Variants in QTGAL observed in about 807,000 individuals in gnomAD.
QTGAL encodes the protein BGnT-like protein 1.
chr17:83,027,152 G>C, the QTGAL span, among the ~76,000 whole-genome samples: 40 of 134,638 alleles, frequency 3.0e-4, no homozygotes, highest in African/African-American at 8.9e-4. Flanking sequence ...ACACACGGAG[G>C]GGGGCAGGGA....
the QTGAL span, chr17:83,048,742 T>C: frequency 4.2e-5 from 68 of 1,614,026 alleles, no homozygotes; most frequent in Non-Finnish European, 5.7e-5. Context: ...CCTCAAACAT[T>C]CGTCCAGCCA....
chr17:82,991,260 T>C, the QTGAL span, among the ~76,000 whole-genome samples: 2 of 152,182 alleles, frequency 1.3e-5, no homozygotes, highest in Non-Finnish European at 2.9e-5. Flanking sequence ...GCTGTGTCCC[T>C]ACCCAAATCT....
the QTGAL span, among the ~76,000 whole-genome samples, chr17:83,016,590 GA>G: frequency 7.0e-6 from 1 of 142,258 alleles, no homozygotes; most frequent in Non-Finnish European, 1.5e-5. Context: ...GGAGGAGGGA[GA>G]AGGGGAGAGG....
At chr17:82,943,525 C>T in the QTGAL span, 4 of 152,044 alleles carry the variant, frequency 2.6e-5, no homozygotes, top group Non-Finnish European at 5.9e-5. Context: ...GCTCCCTGGC[C>T]TGCTCTCAGG....
the QTGAL span, among the ~76,000 whole-genome samples, chr17:82,977,100 C>T: frequency 1.1e-4 from 16 of 152,356 alleles, no homozygotes; most frequent in African/African-American, 2.9e-4. Flanking sequence ...AGAAACTTAA[C>T]GTAAGCCAAA....
the QTGAL span, among the ~76,000 whole-genome samples, chr17:83,029,434 G>A: frequency 3.9e-5 from 6 of 152,106 alleles, no homozygotes; most frequent in South Asian, 2.1e-4. Context: ...TGATGAGCGC[G>A]GAATTTGGGC....
the QTGAL span, among the ~76,000 whole-genome samples, chr17:82,975,143 G>A: frequency 4.3e-5 from 2 of 46,966 alleles, no homozygotes; most frequent in Non-Finnish European, 4.0e-5. Context: ...CCCAGGGGCC[G>A]GAGGCCACTT....
the QTGAL span, among the ~76,000 whole-genome samples, chr17:82,964,874 C>CG: frequency 1.5e-5 from 1 of 68,570 alleles, no homozygotes. Flanking sequence ...TGCACCCCCA[C>CG]GGGGGGGACG....
chr17:82,950,327 C>T, the QTGAL span, among the ~76,000 whole-genome samples: 2 of 152,170 alleles, frequency 1.3e-5, no homozygotes, highest in African/African-American at 4.8e-5. Context: ...CACCACAGGT[C>T]ACCATAACAC....
the QTGAL span, among the ~76,000 whole-genome samples, chr17:82,958,187 C>T: frequency 6.6e-6 from 1 of 152,342 alleles, no homozygotes; most frequent in Admixed American, 6.5e-5. Context: ...TCTCAAAGCC[C>T]CAGGAGCTGG....
the QTGAL span, among the ~76,000 whole-genome samples, chr17:82,951,124 G>C: frequency 2.6e-5 from 4 of 152,168 alleles, no homozygotes; most frequent in African/African-American, 9.7e-5. Context: ...TTAAAGTCAC[G>C]GCAAAGAGTC....
At chr17:82,976,082 A>G in the QTGAL span, among the ~76,000 whole-genome samples, 1 of 69,628 alleles carries the variant, frequency 1.4e-5, no homozygotes, top group Non-Finnish European at 2.6e-5. Context: ...CTTATGGGGA[A>G]ACAGGGCCCC....
the QTGAL span, among the ~76,000 whole-genome samples, chr17:83,019,965 C>T: frequency 3.9e-5 from 6 of 152,144 alleles, no homozygotes; most frequent in Admixed American, 3.9e-4. Context: ...AACTCCTGAC[C>T]TTAGGTGATC....
chr17:82,965,757 T>C, the QTGAL span: 1 of 1,605,870 alleles, frequency 6.2e-7, no homozygotes, highest in South Asian at 1.1e-5. Flanking sequence ...CTAGAAGCAA[T>C]TAACGTTGAC....
the QTGAL span, chr17:83,007,084 C>T: frequency 9.1e-6 from 5 of 548,440 alleles, no homozygotes; most frequent in Admixed American, 6.4e-5. Flanking sequence ...GGTTCTTTGC[C>T]GTCTGTACAC....
the QTGAL span, among the ~76,000 whole-genome samples, chr17:82,969,171 T>C: frequency 1.3e-5 from 2 of 151,906 alleles, no homozygotes; most frequent in Non-Finnish European, 2.9e-5. Context: ...TTATTTTGTT[T>C]TGTTTTGAGA....
chr17:83,037,624 C>T, the QTGAL span, among the ~76,000 whole-genome samples: 989 of 152,318 alleles, frequency 6.5e-3, 16 homozygotes, highest in African/African-American at 0.023. This position sits in a 1 kb window ranked among gnomAD's most constrained non-coding sequence, Gnocchi z 5.2. Context: ...TGCCCTGAAG[C>T]TCCTCACGAG....
chr17:82,972,272 C>T, the QTGAL span, among the ~76,000 whole-genome samples: 5 of 126,306 alleles, frequency 4.0e-5, no homozygotes, highest in South Asian at 2.9e-4. Context: ...GACCACACCA[C>T]ACCACAGGGG....
At chr17:82,957,538 G>A in the QTGAL span, 1 of 1,553,022 alleles carries the variant, frequency 6.4e-7, no homozygotes, top group African/African-American at 1.4e-5. Context: ...AGGCCCCACA[G>A]ATGCACACAG....
Sources: allele counts gnomAD v4.1 joint callset (sites outside exome capture counted in the v4.1 genomes callset), GRCh38; gene constraint gnomAD v4.1.1; non-coding constraint Gnocchi (gnomAD v3.1); transcripts MANE v1.5; gene names NCBI Gene and HGNC (gene_info 2026-07-23, HGNC 2026-07-21).